Variants in LRPPRC observed in about 807,000 individuals in gnomAD.
LRPPRC encodes the protein leucine-rich PPR motif-containing protein, mitochondrial.
A neutral mutation model predicts 180.3 loss-of-function variants in LRPPRC; 120 were observed. That is an observed-to-expected ratio of 0.67 (90% CI 0.57 to 0.77). LRPPRC has a LOEUF of 0.77. Among genes scored for constraint, LRPPRC ranks in the 30% least tolerant of loss-of-function variants. The pLI is 0.00. For missense variants in LRPPRC, 2,012 were observed against 1,657.2 expected, an observed-to-expected ratio of 1.21 and a Z score of -3.72; for synonymous variants, 723 against 600.0, an observed-to-expected ratio of 1.21 and a Z score of -3.00.
At chr2:43,935,748 T>TA (rs1333706295) in intron 23 of LRPPRC, among the ~76,000 whole-genome samples, 1 of 152,134 alleles carries the variant, frequency 6.6e-6, no homozygotes, top group Non-Finnish European at 1.5e-5. Flanking sequence ...TCTCTTACCA[T>TA]ACTGAAATAA....
chr2:43,986,233 G>A (rs1299753842), intron 1 of LRPPRC, among the ~76,000 whole-genome samples: 2 of 152,114 alleles, frequency 1.3e-5, no homozygotes, highest in African/African-American at 4.8e-5. Flanking sequence ...GGATTCAAGC[G>A]ATTCTCATGC....
At chr2:43,952,143 A>T (rs1304681287) in intron 14 of LRPPRC, among the ~76,000 whole-genome samples, 1 of 152,076 alleles carries the variant, frequency 6.6e-6, no homozygotes, top group African/African-American at 2.4e-5. Context: ...CGGTGAGCCA[A>T]GATCGCGCCA....
intron 1 of LRPPRC, among the ~76,000 whole-genome samples, chr2:43,983,885 G>A (rs534311733): frequency 6.6e-6 from 1 of 152,092 alleles, no homozygotes; most frequent in Admixed American, 6.5e-5. Flanking sequence ...CTGTGATCTG[G>A]GAGAAATCAT....
At position 43,946,261 on chromosome 2, in the gene LRPPRC, T is replaced by C. The variant is rs777796602; in HGVS notation, c.2080-18A>G. The C allele has an allele frequency of 1.9e-5, 30 of 1,603,226 alleles. No individual in the cohort carries two copies. Among genetic ancestry groups the C allele is most frequent in the Middle Eastern group, 3.3e-4 (2 of 6,036 alleles). ...TGCATATTCTAAAATACAGCATAGATGTGAAAAAGAAGAAATCAGTGTGAA... is the reference window on the plus strand; with the variant it reads ...TGCATATTCTAAAATACAGCATAGACGTGAAAAAGAAGAAATCAGTGTGAA... On this transcript the variant is annotated intron_variant, in intron 20 of 37. Coordinates refer to ENST00000260665, the MANE Select transcript of LRPPRC (RefSeq NM_133259.4).
chr2:43,950,205 C>T (rs1672843993), intron 15 of LRPPRC, among the ~76,000 whole-genome samples: 1 of 148,256 alleles, frequency 6.7e-6, no homozygotes, highest in Non-Finnish European at 1.5e-5. Flanking sequence ...CTCATGGATT[C>T]TTTTTTTTTT....
chr2:43,901,170 A>ATAAT (rs1238047084), intron 32 of LRPPRC, 150 bp downstream of exon 32: 2 of 656,514 alleles, frequency 3.0e-6, no homozygotes, highest in Non-Finnish European at 5.4e-6. Flanking sequence ...TTTTCAACAT[A>ATAAT]TAATTATTCC....
At chr2:43,942,712 C>T (rs72798853) in intron 23 of LRPPRC, among the ~76,000 whole-genome samples, 25,231 of 151,888 alleles carry the variant, frequency 0.17, 2,362 homozygotes, top group East Asian at 0.42. Context: ...CGTTAAAATA[C>T]ATATTTTATT....
intron 36 of LRPPRC, chr2:43,892,837 T>A (rs1670540712): frequency 6.6e-6 from 1 of 152,064 alleles, no homozygotes; most frequent in Non-Finnish European, 1.5e-5. Context: ...CATAAGGCTA[T>A]AGCTGACACA....
chr2:43,953,826 T>C (rs1420430473), intron 14 of LRPPRC, among the ~76,000 whole-genome samples: 1 of 152,166 alleles, frequency 6.6e-6, no homozygotes, highest in Non-Finnish European at 1.5e-5. Context: ...TTCTCAGAGC[T>C]TCTAGCTGGG....
intron 1 of LRPPRC, among the ~76,000 whole-genome samples, chr2:43,983,592 T>C (rs1349415824): frequency 6.6e-6 from 1 of 152,182 alleles, no homozygotes. Context: ...GGTTTACACA[T>C]TTATTGCAAA....
At chr2:43,983,747 T>C (rs1674411037) in intron 1 of LRPPRC, among the ~76,000 whole-genome samples, 1 of 152,154 alleles carries the variant, frequency 6.6e-6, no homozygotes, top group Non-Finnish European at 1.5e-5. Flanking sequence ...GTTATTAATC[T>C]GAAAAAACCA....
intron 27 of LRPPRC, among the ~76,000 whole-genome samples, chr2:43,919,140 T>C (rs1025028150): frequency 6.6e-6 from 1 of 152,128 alleles, no homozygotes; most frequent in African/African-American, 2.4e-5. Context: ...CCAACTCTAT[T>C]GTGAACTGCG....
In LRPPRC at chr2:43,976,976, G is replaced by A; in HGVS notation, c.650+18C>T. 6.2e-7 allele frequency: 1 copy of A among 1,604,650 alleles called. No homozygotes were observed. Among genetic ancestry groups the A allele is most frequent in the Non-Finnish European group, 8.5e-7 (1 of 1,171,658 alleles). On this transcript the variant is annotated intron_variant, in intron 5 of 37. Transcript: ENST00000260665. Reference sequence around the variant, plus strand: ...TGTACAAATTTGTTCGCTTAAACATGTTCATACAGATCCATACCTGGCACC... The same window carrying A: ...TGTACAAATTTGTTCGCTTAAACATATTCATACAGATCCATACCTGGCACC...
In LRPPRC at chr2:43,928,172, C is replaced by T. The variant is rs534012124; in HGVS notation, c.2737-2211G>A. ...ACCTGAGCTACTGTGCTTCAAACCA[C>T]AACTTTCTGCAGTTGCAATTCACTA... On this transcript the variant is annotated intron_variant, in intron 25 of 37. Transcript: ENST00000260665. Among the ~76,000 whole-genome samples, 78 of 152,288 alleles carry T rather than the reference C, an allele frequency of 5.1e-4. 2 individuals are homozygous for T. In the South Asian group the frequency reaches 0.015, roughly 29 times the overall value.
intron 31 of LRPPRC, among the ~76,000 whole-genome samples, chr2:43,904,918 G>A (rs1360227424): frequency 6.6e-6 from 1 of 152,054 alleles, no homozygotes; most frequent in Non-Finnish European, 1.5e-5. Context: ...TCTTAAAGTG[G>A]AAAGCTACTT....
chr2:43,959,094 A>C (rs1440820227), intron 13 of LRPPRC: 1 of 640,508 alleles, frequency 1.6e-6, no homozygotes, highest in Non-Finnish European at 2.9e-6. Context: ...CTGAAAAATC[A>C]AGAGGTTGAC....
At position 43,888,647 on chromosome 2, in the gene LRPPRC, C is replaced by T; in HGVS notation, c.4138G>A (p.Glu1380Lys). The change falls in exon 38 of 38, where the codon GAA (glutamate) becomes AAA (lysine). Residue 1380 changes from glutamate (E) to lysine (K), a missense_variant. Glu to Lys is a moderately conservative substitution (Grantham distance 56). Transcript: ENST00000260665. ...TTTCTTAGCTGCTGTGCATAAAATT[C>T]AAAGCTTTCCTGTTAAGGAGAAAAA... ...VPFIEPPESF[E>K]FYAQQLRKLR... is the part of the protein sequence containing the mutation. 1.3e-6 allele frequency: 2 copies of T among 1,592,134 alleles called. No individual in the cohort carries two copies. The highest frequency in any genetic ancestry group is 1.3e-5 in the African/African-American group (1 of 74,566).
At chr2:43,968,603 G>A (rs1263311457) in intron 11 of LRPPRC, among the ~76,000 whole-genome samples, 1 of 152,184 alleles carries the variant, frequency 6.6e-6, no homozygotes, top group Non-Finnish European at 1.5e-5. Flanking sequence ...GCCTTTAGAA[G>A]TCAACTAATC....
intron 29 of LRPPRC, among the ~76,000 whole-genome samples, chr2:43,915,763 T>C (rs952589798): frequency 3.9e-5 from 6 of 152,186 alleles, no homozygotes; most frequent in Non-Finnish European, 7.3e-5. Flanking sequence ...TCATACATTT[T>C]ACATCAATGC....
Sources: allele counts gnomAD v4.1 joint callset (sites outside exome capture counted in the v4.1 genomes callset), GRCh38; gene constraint gnomAD v4.1.1; transcripts MANE v1.5; gene names NCBI Gene and HGNC (gene_info 2026-07-23, HGNC 2026-07-21).